The following ABLIM2 variants were observed in gnomAD, a reference collection of about 807,000 sequenced individuals.
ABLIM2 encodes the protein actin-binding LIM protein 2.
In ABLIM2, 53 loss-of-function variants were observed where a neutral mutation model predicts 97.7. The observed-to-expected ratio is 0.54, with a 90% CI of 0.44 to 0.68. The LOEUF (loss-of-function observed/expected upper bound fraction) is 0.68, where lower values mean the gene tolerates loss of function less well. Among genes scored for constraint, ABLIM2 ranks in the 30% least tolerant of loss-of-function variants. ABLIM2 has a pLI of 0.00. For missense variants in ABLIM2, 835 were observed against 867.2 expected (o/e 0.96, Z 0.47); for synonymous variants, 361 against 345.8 (o/e 1.04, Z -0.49).
chr4:8,020,167 TGTAAG>T, intron 13 of ABLIM2, 30 bp downstream of exon 13: 1 of 1,589,436 alleles, frequency 6.3e-7, no homozygotes. Context: ...ACAGTTTCAG[TGTAAG>T]GAGCCCAGCC....
intron 17 of ABLIM2, among the ~76,000 whole-genome samples, chr4:7,991,163 G>C (rs1560459281): frequency 6.6e-6 from 1 of 152,224 alleles, no homozygotes; most frequent in Non-Finnish European, 1.5e-5. Context: ...GTCTGAATAG[G>C]CTGTTCTCAA....
Position 8,071,223 on chromosome 4 carries a change from C to A in ABLIM2, c.675+6405G>T, listed in dbSNP as rs568599593. Among the ~76,000 whole-genome samples the A allele has an allele frequency of 8.0e-4, 122 of 152,286 alleles. No individual in the cohort carries two copies. Among genetic ancestry groups the A allele is most frequent in the African/African-American group, 2.8e-3 (116 of 41,552 alleles). Reference sequence around the variant, plus strand: ...CACAGTTGCTGCCAGGCGCCACCCACCTCTGCTGCCCCAGCCCAGTGCCTC... The same window carrying A: ...CACAGTTGCTGCCAGGCGCCACCCAACTCTGCTGCCCCAGCCCAGTGCCTC... On this transcript the variant is annotated intron_variant, in intron 6 of 20. Transcript: ENST00000447017. This position sits in a 1 kb window ranked among gnomAD's most constrained non-coding sequence, Gnocchi z 6.2.
rs2152901551 is a variant in ABLIM2 at position 8,124,846 on chromosome 4, A to G, written c.11-18209T>C. On this transcript the variant is annotated intron_variant, in intron 1 of 20. Coordinates refer to ENST00000447017, the MANE Select transcript of ABLIM2 (RefSeq NM_001130083.2). This position sits in a 1 kb window ranked among gnomAD's most constrained non-coding sequence, Gnocchi z 6.1. ...AAGGAACAGTCAGACTATTTTCCAC[A>G]CCGGGTTCTGATTTCTACGCATCCC... Among the ~76,000 whole-genome samples, 1 of 152,064 alleles carries G rather than the reference A, an allele frequency of 6.6e-6. No homozygotes were observed. The highest frequency in any genetic ancestry group is 1.5e-5 in the Non-Finnish European group (1 of 67,990).
chr4:7,974,064 G>A (rs769233584), intron 20 of ABLIM2, among the ~76,000 whole-genome samples: 15 of 152,170 alleles, frequency 9.9e-5, no homozygotes, highest in Non-Finnish European at 1.5e-4. Flanking sequence ...CTGAGTCCCC[G>A]GCTTGCTGGC....
Position 8,055,838 on chromosome 4 carries a change from C to T in ABLIM2, c.764-1592G>A, listed in dbSNP as rs140422897. ...TGACCATAAAAGTAATAGGGCTGGG[C>T]GCGGTGGCTCACGCCTGTAATCCCA... is the stretch of plus-strand genomic sequence containing the variant. On this transcript the variant is annotated intron_variant, in intron 7 of 20. Coordinates refer to ENST00000447017, the MANE Select transcript of ABLIM2 (RefSeq NM_001130083.2). Among the ~76,000 whole-genome samples the T allele has an allele frequency of 1.4e-3, 209 of 152,128 alleles. 2 individuals are homozygous for T. Among genetic ancestry groups the T allele is most frequent in the Middle Eastern group, 0.01 (3 of 294 alleles).
chr4:8,006,877 AG>A (rs35056915), intron 16 of ABLIM2: 3,898 of 317,108 alleles, frequency 0.012, no homozygotes, highest in Middle Eastern at 0.019. Context: ...GGATTTTTGC[AG>A]GGGGGGGGTG....
chr4:8,157,864 C>A (rs560478212), intron 1 of ABLIM2, among the ~76,000 whole-genome samples: 1 of 152,418 alleles, frequency 6.6e-6, no homozygotes, highest in South Asian at 2.1e-4. Flanking sequence ...CAGCCCTTCC[C>A]TGCCGGGAAT....
chr4:8,152,911 G>C lies in ABLIM2; in HGVS notation c.10+5769C>G, dbSNP rs377121787. Reference sequence around the variant, plus strand: ...TCTTTGATCATGCTAGCAAGTGGCAGGGCTGGGTGTGAGCCTGAGACCCCA... The same window carrying C: ...TCTTTGATCATGCTAGCAAGTGGCACGGCTGGGTGTGAGCCTGAGACCCCA... On this transcript the variant is annotated intron_variant, in intron 1 of 20. Coordinates refer to ENST00000447017, the MANE Select transcript of ABLIM2 (RefSeq NM_001130083.2). Among the ~76,000 whole-genome samples, 6 of 152,330 alleles carry C rather than the reference G, an allele frequency of 3.9e-5. No individual in the cohort carries two copies. The East Asian group carries it at 5.8e-4, about 15-fold the overall frequency.
At chr4:8,031,301 C>G (rs954691301) in intron 10 of ABLIM2, among the ~76,000 whole-genome samples, 5 of 152,166 alleles carry the variant, frequency 3.3e-5, no homozygotes, top group Non-Finnish European at 5.9e-5. Flanking sequence ...GCAGGGAGAC[C>G]AGGCTCTTCC....
rs6825102 is a variant in ABLIM2 at position 8,086,546 on chromosome 4, C to A, written c.454+1623G>T. Among the ~76,000 whole-genome samples, 3 of 152,020 alleles carry A rather than the reference C, an allele frequency of 2.0e-5. No homozygotes were observed. In the South Asian group the frequency reaches 6.2e-4, roughly 32 times the overall value. The stretch of plus-strand genomic sequence containing the variant: ...TACTTTTATTAGAGACAGGGCCTCA[C>A]CATGTCCAGGCTGGTCTCGGACTCC... On this transcript the variant is annotated intron_variant, in intron 4 of 20. Transcript: ENST00000447017.
In ABLIM2 at chr4:8,123,050, T is replaced by C. The variant is rs1846191643; in HGVS notation, c.11-16413A>G. On this transcript the variant is annotated intron_variant, in intron 1 of 20. Coordinates refer to ENST00000447017, the MANE Select transcript of ABLIM2 (RefSeq NM_001130083.2). This position sits in a 1 kb window ranked among gnomAD's most constrained non-coding sequence, Gnocchi z 6.2. ...CCTTCCTATCTGCTGCTGCTCTTCC[T>C]GGCATGAAGCAGTCCCCTGTGCGTG... Among the ~76,000 whole-genome samples, 1 of 152,194 alleles carries C rather than the reference T, an allele frequency of 6.6e-6. No individual in the cohort carries two copies. Among genetic ancestry groups the C allele is most frequent in the African/African-American group, 2.4e-5 (1 of 41,466 alleles).
intron 20 of ABLIM2, among the ~76,000 whole-genome samples, chr4:7,975,767 C>T (rs12640825): frequency 0.019 from 2,929 of 152,254 alleles, 143 homozygotes; most frequent in East Asian, 0.15. Flanking sequence ...ATGTGTGCGT[C>T]GCTATAGTAA....
intron 17 of ABLIM2, among the ~76,000 whole-genome samples, chr4:7,985,536 A>G (rs1348759670): frequency 6.6e-6 from 1 of 151,866 alleles, no homozygotes; most frequent in Non-Finnish European, 1.5e-5. Context: ...AAGTCCATCC[A>G]CCCCAAATGC....
In ABLIM2 at chr4:8,147,331, G is replaced by A. The variant is rs1851966662; in HGVS notation, c.10+11349C>T. Among the ~76,000 whole-genome samples, 1 of 152,148 alleles carries A rather than the reference G, an allele frequency of 6.6e-6. No homozygotes were observed. Reference sequence around the variant, plus strand: ...CTCCACAGGGAGAAGAAAAGGTATTGACCCGGTAAACAGGATGCACCAAGA... The same window carrying A: ...CTCCACAGGGAGAAGAAAAGGTATTAACCCGGTAAACAGGATGCACCAAGA... On this transcript the variant is annotated intron_variant, in intron 1 of 20. Coordinates refer to ENST00000447017, the MANE Select transcript of ABLIM2 (RefSeq NM_001130083.2). The surrounding 1 kb of genome is among the most constrained non-coding windows in gnomAD (Gnocchi z 5.3).
rs147242420 is a variant in ABLIM2 at position 8,099,800 on chromosome 4, G to A, written c.155-2518C>T. Among the ~76,000 whole-genome samples the A allele has an allele frequency of 8.9e-4, 135 of 152,208 alleles. 1 individual carries two copies. The highest frequency in any genetic ancestry group is 2.4e-3 in the Admixed American group (36 of 15,298). ...GCGGAGCTTGCAGTGATCCGAGATC[G>A]CGCCACTGCACTCCAGCCTGGGTGA... On this transcript the variant is annotated intron_variant, in intron 2 of 20. Transcript: ENST00000447017.
At chr4:8,064,104 A>C (rs998347303) in intron 6 of ABLIM2, among the ~76,000 whole-genome samples, 1 of 152,244 alleles carries the variant, frequency 6.6e-6, no homozygotes, top group African/African-American at 2.4e-5. Context: ...AGATAATAAA[A>C]ACCCTGATTT....
chr4:7,973,619 C>T (rs1052499259), intron 20 of ABLIM2, among the ~76,000 whole-genome samples: 1 of 152,130 alleles, frequency 6.6e-6, no homozygotes, highest in African/African-American at 2.4e-5. Context: ...TGGTTTTTAG[C>T]CTAAGAGCAA....
intron 2 of ABLIM2, among the ~76,000 whole-genome samples, chr4:8,105,546 T>A (rs1836936226): frequency 6.6e-6 from 1 of 152,166 alleles, no homozygotes; most frequent in African/African-American, 2.4e-5. Context: ...TGTGGCACAT[T>A]TCCTAGTTTT....
chr4:8,029,850 C>T, intron 10 of ABLIM2, 74 bp from the exon 11 acceptor site: 5 of 1,515,804 alleles, frequency 3.3e-6, no homozygotes, highest in Non-Finnish European at 4.4e-6. Context: ...CATCCCCCGA[C>T]ACCATTTGGT....
Sources: gnomAD v4.1 joint callset for allele counts (sites outside exome capture counted in the v4.1 genomes callset) on GRCh38, gnomAD v4.1.1 for gene constraint, Gnocchi (gnomAD v3.1) non-coding constraint, MANE v1.5 for transcripts, NCBI Gene and HGNC (gene_info 2026-07-23, HGNC 2026-07-21) for gene names.